Variants in TRAPPC9 observed in about 807,000 individuals in gnomAD.
TRAPPC9 encodes IKK2 binding protein.
TRAPPC9 carries 83 observed loss-of-function variants against 124.0 expected under a neutral mutation model. The observed-to-expected ratio is 0.67, with a 90% CI of 0.56 to 0.80. TRAPPC9 has a LOEUF of 0.80. Among genes scored for constraint, TRAPPC9 ranks in the 30% least tolerant of loss-of-function variants. TRAPPC9 has a pLI of 0.00. For missense variants in TRAPPC9, 1,302 were observed against 1,508.3 expected (o/e 0.86, Z 2.27); for synonymous variants, 638 against 617.5 (o/e 1.03, Z -0.49).
intron 21 of TRAPPC9, among the ~76,000 whole-genome samples, chr8:139,844,618 G>A (rs1044041631): frequency 2.6e-5 from 4 of 152,230 alleles, no homozygotes; most frequent in Non-Finnish European, 4.4e-5. Context: ...AATTAAGGAA[G>A]AGAAAAGGTG....
intron 14 of TRAPPC9, among the ~76,000 whole-genome samples, chr8:140,277,612 C>T (rs2065165923): frequency 6.6e-6 from 1 of 152,256 alleles, no homozygotes; most frequent in Non-Finnish European, 1.5e-5. Flanking sequence ...CTGACGGTCC[C>T]AGCTGCAGCA....
intron 19 of TRAPPC9, among the ~76,000 whole-genome samples, chr8:139,966,069 A>G (rs1236876584): frequency 1.3e-5 from 2 of 152,206 alleles, no homozygotes; most frequent in African/African-American, 2.4e-5. Flanking sequence ...GTTTCTATGA[A>G]GTTGTGAAGA....
At chr8:140,209,044 G>A (rs12717827) in intron 17 of TRAPPC9, among the ~76,000 whole-genome samples, 70,567 of 151,860 alleles carry the variant, frequency 0.46, 17,552 homozygotes, top group Non-Finnish European at 0.54. Flanking sequence ...GTTGGTGTTG[G>A]TGTTGTTCAG....
At chr8:140,135,284 C>T (rs1278662015) in intron 17 of TRAPPC9, among the ~76,000 whole-genome samples, 1 of 152,120 alleles carries the variant, frequency 6.6e-6, no homozygotes, top group Non-Finnish European at 1.5e-5. Flanking sequence ...ATAGAATCCT[C>T]GTAAGTCATA....
At chr8:140,418,721 A>AAAAG (rs1332812396) in intron 5 of TRAPPC9, among the ~76,000 whole-genome samples, 1 of 137,416 alleles carries the variant, frequency 7.3e-6, no homozygotes, top group African/African-American at 2.7e-5. Context: ...CTCCATCTCA[A>AAAAG]AAAGATAGAT....
At chr8:140,024,235 C>A (rs572787993) in intron 17 of TRAPPC9, among the ~76,000 whole-genome samples, 156 bp from the exon 18 acceptor site, 1 of 152,042 alleles carries the variant, frequency 6.6e-6, no homozygotes, top group South Asian at 2.1e-4. Flanking sequence ...CGGCGGGTAC[C>A]GACTCACACC....
chr8:140,214,978 G>A (rs556719432), intron 17 of TRAPPC9, among the ~76,000 whole-genome samples: 8 of 152,088 alleles, frequency 5.3e-5, no homozygotes, highest in African/African-American at 9.6e-5. Context: ...TTCCTGCTTC[G>A]GGGAGAAGGG....
intron 21 of TRAPPC9, among the ~76,000 whole-genome samples, chr8:139,735,646 C>G (rs906998281): frequency 4.0e-5 from 6 of 150,660 alleles, no homozygotes; most frequent in Admixed American, 6.6e-5. Context: ...TGGCTCAGTA[C>G]CACCCTGCCC....
chr8:139,997,485 GCATTCCACACAGGGGAGACAA>G (rs1350547854), intron 18 of TRAPPC9, among the ~76,000 whole-genome samples: 27 of 75,396 alleles, frequency 3.6e-4, no homozygotes, highest in Non-Finnish European at 1.0e-3. Context: ...GGGAGACAAT[GCATTCCACACAGGGGAGACAA>G]TGCATTCTAC....
chr8:140,322,164 C>G (rs1344250807), intron 9 of TRAPPC9, among the ~76,000 whole-genome samples: 1 of 152,158 alleles, frequency 6.6e-6, no homozygotes, highest in Non-Finnish European at 1.5e-5. Flanking sequence ...CCCCCAAACC[C>G]ACAAATCCAG....
intron 5 of TRAPPC9, among the ~76,000 whole-genome samples, chr8:140,418,175 C>A (rs1225624318): frequency 6.6e-6 from 1 of 152,082 alleles, no homozygotes. Flanking sequence ...CAAACCTGCA[C>A]ATTCTGCACG....
rs186723857 is a variant in TRAPPC9, at chr8:139,809,148, A to G, written c.3055+76731T>C. The stretch of plus-strand genomic sequence containing the variant: ...ACTAGGAAACAAATGCCAGATCCAG[A>G]TAATCCACTTAACTTGTCCCACTTA... On this transcript the variant is annotated intron_variant, in intron 21 of 22. Coordinates refer to ENST00000438773, the MANE Select transcript of TRAPPC9 (RefSeq NM_001160372.4). 1.1e-4 allele frequency among the ~76,000 whole-genome samples: 17 copies of G among 152,386 alleles called. No individual in the cohort carries two copies. The East Asian group carries it at 2.9e-3, about 26-fold the overall frequency.
intron 17 of TRAPPC9, among the ~76,000 whole-genome samples, chr8:140,126,902 A>G (rs2061109118): frequency 6.6e-6 from 1 of 152,168 alleles, no homozygotes. Context: ...TCGCAGCTTC[A>G]TGGCACACCA....
intron 5 of TRAPPC9, among the ~76,000 whole-genome samples, chr8:140,412,085 T>C (rs1588305537): frequency 6.6e-6 from 1 of 152,016 alleles, no homozygotes; most frequent in Non-Finnish European, 1.5e-5. Context: ...TCGAGAAAAA[T>C]AGTAACTTTA....
chr8:140,051,355 GT>G (rs1841987383), intron 17 of TRAPPC9, among the ~76,000 whole-genome samples: 1 of 152,196 alleles, frequency 6.6e-6, no homozygotes, highest in Non-Finnish European at 1.5e-5. Flanking sequence ...GCCCTGCACC[GT>G]TGGTCGGTCA....
chr8:140,226,430 A>G (rs1340279492), intron 16 of TRAPPC9, among the ~76,000 whole-genome samples: 1 of 151,854 alleles, frequency 6.6e-6, no homozygotes. Context: ...CATCTCTACT[A>G]AAAATACAAA....
intron 5 of TRAPPC9, among the ~76,000 whole-genome samples, chr8:140,409,385 A>C (rs1333696415): frequency 1.3e-5 from 2 of 152,212 alleles, no homozygotes; most frequent in Non-Finnish European, 2.9e-5. Context: ...TTTATGAAGA[A>C]GACTTTGGCA....
intron 17 of TRAPPC9, chr8:140,041,184 C>G (rs1167877711): frequency 6.6e-6 from 1 of 152,188 alleles, no homozygotes; most frequent in Non-Finnish European, 1.5e-5. Flanking sequence ...CTCTCTCTGA[C>G]AGTTTCCATC....
rs542662950 is a variant in TRAPPC9, at chr8:140,352,021, C to T, written c.1495+8029G>A. Among the ~76,000 whole-genome samples the T allele has an allele frequency of 5.9e-5, 9 of 152,286 alleles. No homozygotes were observed. In the South Asian group the frequency reaches 8.3e-4, roughly 14 times the overall value. On this transcript the variant is annotated intron_variant, in intron 9 of 22. Transcript: ENST00000438773. The stretch of plus-strand genomic sequence containing the variant: ...ACCCCATACCCTTTAGCCATCGCCC[C>T]CACAAAGTCCCCCATTCCCCCAGTC...
Sources: gnomAD v4.1 joint callset for allele counts (sites outside exome capture counted in the v4.1 genomes callset) on GRCh38, gnomAD v4.1.1 for gene constraint, MANE v1.5 for transcripts, NCBI Gene and HGNC (gene_info 2026-07-23, HGNC 2026-07-21) for gene names.